Variants in ATAD2B observed in about 807,000 individuals in gnomAD.
The protein encoded by ATAD2B is ATPase family AAA domain containing 2B.
Under a neutral mutation model 167.6 loss-of-function variants are expected in ATAD2B, and 40 were observed. The ratio of observed to expected loss-of-function variants is 0.24; its 90% CI spans 0.19 to 0.31. The LOEUF is 0.31. Ranked by LOEUF, ATAD2B falls within the 10% of genes least tolerant of loss-of-function variation. The pLI is 1.00. For missense variants in ATAD2B, 1,242 were observed against 1,757.2 expected, an observed-to-expected ratio of 0.71 and a Z score of 5.24; for synonymous variants, 579 against 596.5, an observed-to-expected ratio of 0.97 and a Z score of 0.43.
At chr2:23,872,459 C>A in intron 8 of ATAD2B, 1 of 732,094 alleles carries the variant, frequency 1.4e-6, no homozygotes, top group South Asian at 1.4e-5. Context: ...CCATGCACTG[C>A]AATCAGCACC....
chr2:23,685,457 C>G, the ATAD2B span: 1 of 152,304 alleles, frequency 6.6e-6, no homozygotes, highest in South Asian at 2.1e-4. Context: ...CGGGACTGTG[C>G]TCAGAGGGAG....
rs1170239121 is a variant in ATAD2B at position 23,863,565 on chromosome 2, T to C, written c.1305-10A>G. ...ATAAAACAAACAGCCCCTAGAAGAA[T>C]AAAAAAATCAAGAAGTGTAAATTAT... On this transcript the variant is annotated splice_polypyrimidine_tract_variant and intron_variant, in intron 11 of 27. Transcript: ENST00000238789. The C allele has an allele frequency of 9.8e-6, 15 of 1,537,042 alleles. No homozygotes were observed. The highest frequency in any genetic ancestry group is 1.3e-5 in the Non-Finnish European group (15 of 1,145,530).
chr2:23,915,175 T>C (rs1369522292), intron 1 of ATAD2B, among the ~76,000 whole-genome samples: 1 of 152,134 alleles, frequency 6.6e-6, no homozygotes, highest in Non-Finnish European at 1.5e-5. Flanking sequence ...GAAAATATAA[T>C]GTTAAGAGAA....
rs562753639 is a variant in ATAD2B at position 23,858,065 on chromosome 2, C to T, written c.1480-562G>A. 1.5e-4 allele frequency among the ~76,000 whole-genome samples: 23 copies of T among 151,032 alleles called. 1 individual carries two copies. The highest frequency in any genetic ancestry group is 1.0e-3 in the South Asian group (5 of 4,762). The stretch of plus-strand genomic sequence containing the variant: ...GCCACCAAAGAGTATTTTTTAAACA[C>T]GCATGATAGCACACCACACACATTC... On this transcript the variant is annotated intron_variant, in intron 12 of 27. Transcript: ENST00000238789.
intron 13 of ATAD2B, among the ~76,000 whole-genome samples, chr2:23,847,541 C>T (rs370653704): frequency 1.3e-5 from 2 of 151,860 alleles, no homozygotes; most frequent in East Asian, 3.9e-4. Context: ...GGCACACACA[C>T]CTGTGGCCCC....
chr2:23,864,852 A>T lies in ATAD2B; in HGVS notation c.1261T>A (p.Leu421Ile). 6.3e-7 allele frequency: 1 copy of T among 1,596,432 alleles called. No individual in the cohort carries two copies. Among genetic ancestry groups the T allele is most frequent in the Non-Finnish European group, 8.5e-7 (1 of 1,171,366 alleles). ...ALKEMVVFPL[L>I]YPEIFEKFKI... Reference sequence around the variant, plus strand: ...AACTTTTCAAAAATTTCTGGATATAAAAGTGGGAATACTACCATTTCCTTT... The same window carrying T: ...AACTTTTCAAAAATTTCTGGATATATAAGTGGGAATACTACCATTTCCTTT... Residue 421 changes from leucine (L) to isoleucine (I), a missense_variant, in exon 11 of 28, where the codon TTA becomes ATA. By Grantham distance (5) the Leu-to-Ile change is conservative (BLOSUM62 2). Transcript: ENST00000238789.
chr2:23,689,399 CCT>C, the ATAD2B span: 1 of 152,388 alleles, frequency 6.6e-6, no homozygotes, highest in Non-Finnish European at 1.5e-5. Flanking sequence ...AGGCAGCACC[CCT>C]CAGGGCAGCC....
chr2:23,909,423 T>C lies in ATAD2B; in HGVS notation c.217-13453A>G, dbSNP rs866410394. On this transcript the variant is annotated intron_variant, in intron 1 of 27. Transcript: ENST00000238789. ...GACATTGCCTCCAAATATATATATA[T>C]ATACATACATACATACATATATATA... is the stretch of plus-strand genomic sequence containing the variant. 8.7e-5 allele frequency among the ~76,000 whole-genome samples: 13 copies of C among 149,382 alleles called. No homozygotes were observed. In the East Asian group the frequency reaches 1.2e-3, roughly 13 times the overall value.
At chr2:23,890,810 T>C (rs1299218526) in intron 2 of ATAD2B, among the ~76,000 whole-genome samples, 1 of 152,224 alleles carries the variant, frequency 6.6e-6, no homozygotes, top group Non-Finnish European at 1.5e-5. Context: ...AATAAGCTTT[T>C]TGTCTGCTCT....
chr2:23,777,258 T>C (rs1212970303), intron 22 of ATAD2B, among the ~76,000 whole-genome samples: 1 of 152,204 alleles, frequency 6.6e-6, no homozygotes, highest in Non-Finnish European at 1.5e-5. Context: ...TTTGTTATGG[T>C]AGCACTAGTA....
At chr2:23,875,020 C>T (rs1366812723) in intron 8 of ATAD2B, among the ~76,000 whole-genome samples, 1 of 143,332 alleles carries the variant, frequency 7.0e-6, no homozygotes, top group Non-Finnish European at 1.5e-5. Flanking sequence ...TGCCCCACTG[C>T]ACTCCAGCCT....
chr2:23,906,278 C>T (rs112725470), intron 1 of ATAD2B, among the ~76,000 whole-genome samples: 28,387 of 151,598 alleles, frequency 0.19, 2,771 homozygotes, highest in Middle Eastern at 0.26. Flanking sequence ...AAGGCGGAGG[C>T]TGCAGTGAGC....
In ATAD2B at chr2:23,823,528, C is replaced by A. The variant is rs376297258; in HGVS notation, c.1861G>T (p.Ala621Ser). The change falls in exon 16 of 28, where the codon GCC becomes TCC. Residue 621 changes from alanine to serine, a missense_variant. This residue lies in a region of ATAD2B where 151 missense variants were observed against 284.1 expected (regional missense o/e 0.53). Coordinates refer to ENST00000238789, the MANE Select transcript of ATAD2B (RefSeq NM_017552.4). ...ADIKALCTEA[A>S]LIALRRRYPQ... is the part of the protein sequence containing the mutation. ...TAACGCCTCCGCAGTGCAATCAGGG[C>A]GGCTTCAGTGCACAGGGCCTTGATA... 40 of 1,613,096 alleles carry A rather than the reference C, an allele frequency of 2.5e-5. No individual in the cohort carries two copies. The highest frequency in any genetic ancestry group is 3.3e-5 in the Non-Finnish European group (39 of 1,179,880).
At chr2:23,904,537 CTT>C (rs34666567) in intron 1 of ATAD2B, among the ~76,000 whole-genome samples, 13,484 of 137,618 alleles carry the variant, frequency 0.098, 676 homozygotes, top group Middle Eastern at 0.18. Context: ...ATTTTCCTTC[CTT>C]TTTTTTTTTT....
chr2:23,923,637 C>T (rs1052839067), intron 1 of ATAD2B, among the ~76,000 whole-genome samples: 1 of 149,506 alleles, frequency 6.7e-6, no homozygotes, highest in Admixed American at 6.7e-5. Flanking sequence ...CTAAGTACCA[C>T]CTTTTACATG....
chr2:23,926,268 A>G (rs141986702), intron 1 of ATAD2B, among the ~76,000 whole-genome samples: 2 of 152,304 alleles, frequency 1.3e-5, no homozygotes, highest in Non-Finnish European at 2.9e-5. Flanking sequence ...CAGGACAAGG[A>G]CACGGACAGC....
chr2:23,785,321 C>CA (rs1268198147), intron 21 of ATAD2B, among the ~76,000 whole-genome samples: 1 of 152,024 alleles, frequency 6.6e-6, no homozygotes, highest in Non-Finnish European at 1.5e-5. Flanking sequence ...AGAAAGAGGC[C>CA]AGTAAAGATT....
At chr2:23,843,503 G>A (rs1252059358) in intron 13 of ATAD2B, among the ~76,000 whole-genome samples, 3 of 152,236 alleles carry the variant, frequency 2.0e-5, no homozygotes, top group African/African-American at 7.2e-5. Flanking sequence ...TCCAATTACG[G>A]GCTGTGATAC....
intron 12 of ATAD2B, 67 bp downstream of exon 12, chr2:23,863,314 A>G: frequency 1.3e-6 from 2 of 1,482,742 alleles, no homozygotes; most frequent in African/African-American, 2.8e-5. Flanking sequence ...CCCTGTCTCA[A>G]AAAAACAAAG....
Sources: allele counts gnomAD v4.1 joint callset (sites outside exome capture counted in the v4.1 genomes callset), GRCh38; gene constraint gnomAD v4.1.1; regional missense constraint gnomAD v4.1.1; transcripts MANE v1.5; gene names NCBI Gene and HGNC (gene_info 2026-07-23, HGNC 2026-07-21).